Variants in ANKS1A observed in about 807,000 individuals in gnomAD.
ANKS1A encodes the protein ankyrin repeat and SAM domain-containing protein 1A.
In ANKS1A, 55 loss-of-function variants were observed where a neutral mutation model predicts 120.3. The ratio of observed to expected loss-of-function variants is 0.46; its 90% CI spans 0.37 to 0.57. The LOEUF is 0.57. ANKS1A is among the 20% of genes least tolerant of loss of function. The pLI, the probability that ANKS1A is intolerant of heterozygous loss-of-function variation, is 0.00. For synonymous variants in ANKS1A, 590 were observed against 604.7 expected, an observed-to-expected ratio of 0.98 and a Z score of 0.36; for missense variants, 1,123 against 1,480.3, an observed-to-expected ratio of 0.76 and a Z score of 3.96.
intron 1 of ANKS1A, among the ~76,000 whole-genome samples, chr6:34,900,668 A>C (rs1373729018): frequency 6.6e-6 from 1 of 152,218 alleles, no homozygotes; most frequent in Non-Finnish European, 1.5e-5. Context: ...GAGATGAAGT[A>C]ACTTGCCAAG....
At chr6:34,935,580 G>A (rs1252416755) in intron 1 of ANKS1A, among the ~76,000 whole-genome samples, 1 of 152,176 alleles carries the variant, frequency 6.6e-6, no homozygotes, top group East Asian at 1.9e-4. Flanking sequence ...GGTAGCTTTA[G>A]TTGTTTCCCA....
chr6:34,948,892 C>T (rs1184828176), intron 1 of ANKS1A, among the ~76,000 whole-genome samples: 1 of 152,072 alleles, frequency 6.6e-6, no homozygotes, highest in East Asian at 1.9e-4. Context: ...AAGTGTCATC[C>T]GAGGAAGTCA....
intron 1 of ANKS1A, among the ~76,000 whole-genome samples, chr6:34,950,299 T>C (rs1770015322): frequency 6.8e-6 from 1 of 147,802 alleles, no homozygotes; most frequent in Non-Finnish European, 1.5e-5. Flanking sequence ...CGATCTTGGC[T>C]TACTGGAACC....
chr6:34,920,376 AG>A (rs1328745964), intron 1 of ANKS1A, among the ~76,000 whole-genome samples: 1 of 151,764 alleles, frequency 6.6e-6, no homozygotes, highest in East Asian at 1.9e-4. Context: ...CCACCATGCC[AG>A]GCTAATTTTT....
chr6:34,946,768 G>T (rs1769820321), intron 1 of ANKS1A, among the ~76,000 whole-genome samples: 1 of 152,176 alleles, frequency 6.6e-6, no homozygotes, highest in Non-Finnish European at 1.5e-5. Flanking sequence ...ATGCACAAAG[G>T]TGTAAGTATT....
chr6:34,955,724 G>A (rs1279238856), intron 1 of ANKS1A, among the ~76,000 whole-genome samples: 2 of 152,114 alleles, frequency 1.3e-5, no homozygotes, highest in Non-Finnish European at 2.9e-5. Flanking sequence ...ATAAAAGAGT[G>A]TGTGGGAGGT....
intron 11 of ANKS1A, among the ~76,000 whole-genome samples, chr6:35,019,988 G>A (rs549843312): frequency 6.6e-6 from 1 of 152,210 alleles, no homozygotes; most frequent in East Asian, 1.9e-4. Context: ...GGGACGAGGA[G>A]AGGTGGGTGG....
chr6:35,089,363 C>T lies in ANKS1A; in HGVS notation c.*754C>T. 1 of 986,814 alleles carries T rather than the reference C, an allele frequency of 1.0e-6. No homozygotes were observed. Among genetic ancestry groups the T allele is most frequent in the Non-Finnish European group, 1.2e-6 (1 of 830,668 alleles). The allele number at this position is 986,814 out of a possible 1,614,324, so 61.1% of individuals were successfully genotyped here. The stretch of plus-strand genomic sequence containing the variant: ...GGAAGTCTTAGCCAGCACCAGAGCG[C>T]CAGGCCTCTCCCTGGCCTCTTACCT... On this transcript the variant is annotated 3_prime_UTR_variant, in exon 24 of 24. Coordinates refer to ENST00000360359, the MANE Select transcript of ANKS1A (RefSeq NM_015245.3).
chr6:34,993,893 G>A (rs116577738), intron 9 of ANKS1A, among the ~76,000 whole-genome samples: 196 of 152,318 alleles, frequency 1.3e-3, no homozygotes, highest in Non-Finnish European at 2.2e-3. Flanking sequence ...CATGGGAGAC[G>A]CAAGAAAGGA....
chr6:34,901,665 C>T (rs13200099), intron 1 of ANKS1A, among the ~76,000 whole-genome samples: 130 of 152,278 alleles, frequency 8.5e-4, no homozygotes, highest in Admixed American at 2.0e-3. Flanking sequence ...CTCATGACAC[C>T]ATGCCCGGTT....
chr6:34,990,684 T>G (rs1533937), intron 9 of ANKS1A, among the ~76,000 whole-genome samples: 151,829 of 152,254 alleles, frequency 1, 75,706 homozygotes, highest in Middle Eastern at 1. Flanking sequence ...TCTAAAGCAT[T>G]CAATGTGGCA....
Position 35,089,999 on chromosome 6 carries a change from A to C in ANKS1A, c.*1390A>C. The C allele has an allele frequency of 8.4e-7, 1 of 1,196,640 alleles. No homozygotes were observed. 74.1% of individuals were successfully genotyped at this position (1,196,640 alleles called of 1,614,324 possible). On this transcript the variant is annotated 3_prime_UTR_variant, in exon 24 of 24. Coordinates refer to ENST00000360359, the MANE Select transcript of ANKS1A (RefSeq NM_015245.3). ...TTGTTGGTATGTATGTGCAGGGAGT[A>C]CTGTTAGGCACATTCTTAACCCATG...
chr6:34,896,872 G>A (rs1387859645), intron 1 of ANKS1A, among the ~76,000 whole-genome samples: 3 of 152,102 alleles, frequency 2.0e-5, no homozygotes, highest in Non-Finnish European at 4.4e-5. Flanking sequence ...GCTGAGGTAG[G>A]AGAATTGCTT....
intron 3 of ANKS1A, among the ~76,000 whole-genome samples, chr6:34,974,380 T>TTCCCTTCCCCTTCCCC (rs1771443497): frequency 6.3e-5 from 1 of 15,856 alleles, no homozygotes; most frequent in Non-Finnish European, 1.2e-4. Context: ...TCCCCTTCCA[T>TTCCCTTCCCCTTCCCC]TTCCCTTCCC....
chr6:35,040,372 G>A (rs568105922), intron 11 of ANKS1A, among the ~76,000 whole-genome samples: 3 of 152,290 alleles, frequency 2.0e-5, no homozygotes, highest in African/African-American at 4.8e-5. Flanking sequence ...TGCGGCCCTC[G>A]TCTTCCTTTC....
chr6:35,055,519 G>T (rs1319479196), intron 12 of ANKS1A, among the ~76,000 whole-genome samples: 1 of 152,014 alleles, frequency 6.6e-6, no homozygotes, highest in Non-Finnish European at 1.5e-5. Flanking sequence ...TAGTAGAGAT[G>T]GGGTTTCACC....
At chr6:35,055,484 C>T (rs1776178884) in intron 12 of ANKS1A, among the ~76,000 whole-genome samples, 1 of 152,040 alleles carries the variant, frequency 6.6e-6, no homozygotes, top group African/African-American at 2.4e-5. Flanking sequence ...CATGTAACAC[C>T]ACGCCTGGCT....
intron 13 of ANKS1A, chr6:35,071,094 T>G: frequency 2.9e-6 from 1 of 342,140 alleles, no homozygotes; most frequent in Non-Finnish European, 5.5e-6. Flanking sequence ...GATAAACTCT[T>G]TCAACTAGTT....
chr6:35,002,223 T>C (rs1458355979), intron 10 of ANKS1A, among the ~76,000 whole-genome samples: 1 of 152,038 alleles, frequency 6.6e-6, no homozygotes, highest in Non-Finnish European at 1.5e-5. Flanking sequence ...ACTCAGTTTA[T>C]TCTAGTGCGC....
Sources: gnomAD v4.1 joint callset for allele counts (sites outside exome capture counted in the v4.1 genomes callset) on GRCh38, gnomAD v4.1.1 for gene constraint, MANE v1.5 for transcripts, NCBI Gene and HGNC (gene_info 2026-07-23, HGNC 2026-07-21) for gene names.